Variants in LDAF1 observed in about 807,000 individuals in gnomAD.
The protein encoded by LDAF1 is lipid droplet assembly factor 1.
Under a neutral mutation model 13.5 loss-of-function variants are expected in LDAF1, and 7 were observed. The ratio of observed to expected loss-of-function variants is 0.52; its 90% CI spans 0.29 to 0.97. LDAF1 has a LOEUF of 0.97. Among genes scored for constraint, LDAF1 ranks in the 50% least tolerant of loss-of-function variants. The pLI, the probability that LDAF1 is intolerant of heterozygous loss-of-function variation, is 0.07. For synonymous variants in LDAF1, 69 were observed against 77.1 expected (o/e 0.89, Z 0.55); for missense variants, 148 against 193.2 (o/e 0.77, Z 1.39).
chr16:21,164,374 AG>A (rs1287657225), intron 2 of LDAF1, among the ~76,000 whole-genome samples: 1 of 152,144 alleles, frequency 6.6e-6, no homozygotes, highest in African/African-American at 2.4e-5. Context: ...CCTCCTGAGT[AG>A]CTGGGACTAC....
At chr16:21,168,795 T>TAATTATAAA (rs1246720151) in intron 2 of LDAF1, among the ~76,000 whole-genome samples, 27 of 132,690 alleles carry the variant, frequency 2.0e-4, no homozygotes, top group Non-Finnish European at 3.4e-4. Flanking sequence ...TTTATAAATA[T>TAATTATAAA]AATTATATTT....
At chr16:21,168,671 AT>A (rs2093051119) in intron 2 of LDAF1, among the ~76,000 whole-genome samples, 1 of 137,822 alleles carries the variant, frequency 7.3e-6, no homozygotes, top group South Asian at 2.2e-4. Context: ...TATAATTATG[AT>A]TTTTATATTA....
chr16:21,172,051 A>G (rs1405690861), intron 3 of LDAF1, among the ~76,000 whole-genome samples: 1 of 151,820 alleles, frequency 6.6e-6, no homozygotes, highest in Non-Finnish European at 1.5e-5. Context: ...AGTGTGTATA[A>G]ATCTTACTTT....
chr16:21,175,588 G>A (rs1350741846), intron 4 of LDAF1, among the ~76,000 whole-genome samples: 1 of 152,224 alleles, frequency 6.6e-6, no homozygotes, highest in African/African-American at 2.4e-5. Context: ...CATGAAGGCA[G>A]CACAGACCAG....
intron 2 of LDAF1, among the ~76,000 whole-genome samples, chr16:21,167,692 G>GTTTTTTTTTTTTTTTTT (rs2093037193): frequency 2.2e-4 from 2 of 8,982 alleles, no homozygotes; most frequent in South Asian, 6.4e-3. Flanking sequence ...AAGACCTTAG[G>GTTTTTTTTTTTTTTTTT]TTTGTTTTTT....
Position 21,177,742 on chromosome 16 carries a change from C to T in LDAF1, c.405-1733C>T, listed in dbSNP as rs374593879. Among the ~76,000 whole-genome samples, 59 of 151,724 alleles carry T rather than the reference C, an allele frequency of 3.9e-4. 1 individual carries two copies. In the East Asian group the frequency reaches 5.6e-3, roughly 15 times the overall value. ...AAGCAGTTCTTCTGTCTCAGCCTCC[C>T]GAGTAGCTGGGATTATAGGTGTGCA... is the stretch of plus-strand genomic sequence containing the variant. On this transcript the variant is annotated intron_variant, in intron 4 of 4. Coordinates refer to ENST00000233047, the MANE Select transcript of LDAF1 (RefSeq NM_001301771.2).
chr16:21,165,679 A>G, intron 2 of LDAF1: 1 of 867,504 alleles, frequency 1.2e-6, no homozygotes, highest in Non-Finnish European at 1.4e-6. Flanking sequence ...TATTTCTTAA[A>G]TCATTCCTTT....
chr16:21,161,345 G>A, intron 2 of LDAF1, 67 bp downstream of exon 2: 1 of 1,544,692 alleles, frequency 6.5e-7, no homozygotes, highest in South Asian at 1.2e-5. Context: ...AAGATAGAAA[G>A]TTATTTCTTT....
chr16:21,168,609 G>A (rs1240674172), intron 2 of LDAF1, among the ~76,000 whole-genome samples: 4 of 138,378 alleles, frequency 2.9e-5, no homozygotes, highest in Admixed American at 7.4e-5. Flanking sequence ...AATGCTATAT[G>A]AATATTGATA....
intron 4 of LDAF1, 61 bp downstream of exon 4, chr16:21,174,209 A>G: frequency 6.8e-7 from 1 of 1,475,588 alleles, no homozygotes; most frequent in East Asian, 2.5e-5. Flanking sequence ...TGTTTTTTTG[A>G]GACAAGGCCT....
At position 21,179,797 on chromosome 16, in the gene LDAF1, G is replaced by A. The variant is rs922105838; in HGVS notation, c.*241G>A. 2.2e-6 allele frequency: 1 copy of A among 457,420 alleles called. No individual in the cohort carries two copies. The highest frequency in any genetic ancestry group is 4.2e-5 in the East Asian group (1 of 23,564). 28.3% of individuals were successfully genotyped at this position (457,420 alleles called of 1,614,324 possible). A position where few individuals can be genotyped will look rare whatever the true frequency, so the allele number is the denominator to read the frequency against. On this transcript the variant is annotated 3_prime_UTR_variant, in exon 5 of 5. Transcript: ENST00000233047. ...GGTTCAACAGCTCGCCCTGCCCCAA[G>A]TATGCAGACTTGACCTTGGCGGGGT... is the stretch of plus-strand genomic sequence containing the variant.
chr16:21,170,580 T>C lies in LDAF1; in HGVS notation c.240T>C (p.Ala80=). 1.2e-6 allele frequency: 2 copies of C among 1,614,202 alleles called. No homozygotes were observed. Among genetic ancestry groups the C allele is most frequent in the East Asian group, 2.2e-5 (1 of 44,890 alleles). Residue 80 remains alanine (A), a synonymous_variant, in exon 3 of 5, where the codon GCT becomes GCC. Transcript: ENST00000233047. ...LLIVVLTTLA[A]LLGVIILEGL... ...TCGTGGTGCTTACCACCCTGGCTGC[T>C]CTGCTGGGGGTCATAATATTGGAAG...
chr16:21,171,613 C>T (rs1467530561), intron 3 of LDAF1, among the ~76,000 whole-genome samples: 2 of 152,186 alleles, frequency 1.3e-5, no homozygotes, highest in Non-Finnish European at 2.9e-5. Flanking sequence ...CAAAGCTTTA[C>T]AGCAGACAAG....
At chr16:21,159,268 C>T (rs1033978697) in intron 1 of LDAF1, 16 of 1,460,158 alleles carry the variant, frequency 1.1e-5, no homozygotes, top group Non-Finnish European at 1.4e-5. Context: ...CTCGACTCCC[C>T]TCTGAGTTCC....
intron 4 of LDAF1, among the ~76,000 whole-genome samples, 154 bp downstream of exon 4, chr16:21,174,302 G>C (rs1285683530): frequency 2.0e-5 from 3 of 152,084 alleles, no homozygotes; most frequent in Non-Finnish European, 2.9e-5. Context: ...CAGTTCTCCT[G>C]CTTCAGCCTC....
At chr16:21,179,381 G>A (rs1194170674) in intron 4 of LDAF1, 94 bp from the exon 5 acceptor site, 1 of 1,606,694 alleles carries the variant, frequency 6.2e-7, no homozygotes, top group African/African-American at 1.3e-5. Context: ...CTAAAAATCA[G>A]GAAAAAGAAC....
chr16:21,175,422 T>C, intron 4 of LDAF1, among the ~76,000 whole-genome samples: 1 of 152,198 alleles, frequency 6.6e-6, no homozygotes, highest in East Asian at 1.9e-4. Flanking sequence ...ACAAAGTGAC[T>C]CTCTAAAACA....
chr16:21,168,820 AT>A (rs1839592884), intron 2 of LDAF1, among the ~76,000 whole-genome samples: 2 of 131,592 alleles, frequency 1.5e-5, no homozygotes, highest in Admixed American at 1.6e-4. Context: ...ATAAAATTAA[AT>A]ATAATTTAAT....
At position 21,179,878 on chromosome 16, in the gene LDAF1, C is replaced by T. The variant is rs140030091; in HGVS notation, c.*322C>T. 60 of 223,830 alleles carry T rather than the reference C, an allele frequency of 2.7e-4. 1 individual carries two copies. In the East Asian group the frequency reaches 3.7e-3, roughly 14 times the overall value. The allele number at this position is 223,830 out of a possible 1,614,324, so 13.9% of individuals were successfully genotyped here. A position where few individuals can be genotyped will look rare whatever the true frequency, so the allele number is the denominator to read the frequency against. ...CCAAAGCCTCAGGGCTTATGTCCAA[C>T]GGTCCCATTGGGAGCAACAGTGATT... is the stretch of plus-strand genomic sequence containing the variant. On this transcript the variant is annotated 3_prime_UTR_variant, in exon 5 of 5. Transcript: ENST00000233047.
Sources: gnomAD v4.1 joint callset for allele counts (sites outside exome capture counted in the v4.1 genomes callset) on GRCh38, gnomAD v4.1.1 for gene constraint, MANE v1.5 for transcripts, NCBI Gene and HGNC (gene_info 2026-07-23, HGNC 2026-07-21) for gene names.